HEPH: variants seen among roughly 807,000 people sequenced by gnomAD.
The protein encoded by HEPH is hephaestin.
A neutral mutation model predicts 80.8 loss-of-function variants in HEPH; 69 were observed. That is an observed-to-expected ratio of 0.85 (90% CI 0.70 to 1.04). The LOEUF is 1.04. Ranked by LOEUF, HEPH falls within the 50% of genes least tolerant of loss-of-function variation. The probability of loss-of-function intolerance (pLI) is 0.00; values close to 1 mark genes in which losing one functional copy is unlikely to be tolerated. For synonymous variants in HEPH, 431 were observed against 322.8 expected, an observed-to-expected ratio of 1.34 and a Z score of -3.60; for missense variants, 1,115 against 891.3, an observed-to-expected ratio of 1.25 and a Z score of -3.20.
At position 66,255,087 on chromosome X, in the gene HEPH, C is replaced by G; in HGVS notation, c.2616C>G (p.Pro872=). 2 of 1,208,318 alleles carry G rather than the reference C, an allele frequency of 1.7e-6. No individual in the cohort carries two copies. Residue 872 remains proline, a synonymous_variant, in exon 16 of 21, where the codon CCC becomes CCG. Transcript: ENST00000343002. ...TCCCAGAGAGGTCTGGCCCTGGGCC[C>G]AATGACTCTGCTTGTGTTTCCTGGA... ...WNIPERSGPG[P]NDSACVSWIY... is the part of the protein sequence containing the mutation.
intron 13 of HEPH, among the ~76,000 whole-genome samples, chrX:66,206,503 C>T (rs1292274568): frequency 1.7e-4 from 18 of 104,297 alleles, no homozygotes; most frequent in South Asian, 1.4e-3. Context: ...GCTGGGATTA[C>T]GGGCACAAGC....
At chrX:66,227,476 G>A (rs1373784062) in intron 15 of HEPH, among the ~76,000 whole-genome samples, 2 of 111,591 alleles carry the variant, frequency 1.8e-5, no homozygotes, top group Non-Finnish European at 3.8e-5. Context: ...TAAAGAGGAA[G>A]TCAAACTGTC....
At chrX:66,206,834 G>A (rs1168070265) in intron 13 of HEPH, among the ~76,000 whole-genome samples, 6 of 109,248 alleles carry the variant, frequency 5.5e-5, no homozygotes, top group Non-Finnish European at 9.5e-5. Flanking sequence ...TGACCAACAT[G>A]GAGAAACCCT....
At chrX:66,192,457 C>A (rs2087852898) in intron 7 of HEPH, among the ~76,000 whole-genome samples, 159 bp downstream of exon 7, 1 of 111,773 alleles carries the variant, frequency 8.9e-6, no homozygotes, top group Admixed American at 9.4e-5. Context: ...TTGTGTCCCC[C>A]TGGAGAGCTT....
chrX:66,199,390 G>T (rs1043152118), intron 11 of HEPH, among the ~76,000 whole-genome samples: 1 of 109,784 alleles, frequency 9.1e-6, no homozygotes, highest in Non-Finnish European at 1.9e-5. Flanking sequence ...GCCAACTGGG[G>T]CTATTTTTCT....
At chrX:66,193,439 G>T in intron 7 of HEPH, 63 bp from the exon 8 acceptor site, 3 of 785,265 alleles carry the variant, frequency 3.8e-6, no homozygotes, top group Non-Finnish European at 5.5e-6. Flanking sequence ...GAGACTAAGG[G>T]TGAGATGGGA....
intron 15 of HEPH, among the ~76,000 whole-genome samples, chrX:66,250,313 A>G (rs1354932806): frequency 9.0e-6 from 1 of 111,626 alleles, no homozygotes; most frequent in African/African-American, 3.3e-5. Context: ...AGCTCTCCTC[A>G]TTCCTTGAGA....
At chrX:66,227,335 T>C (rs1602421478) in intron 15 of HEPH, among the ~76,000 whole-genome samples, 1 of 110,972 alleles carries the variant, frequency 9.0e-6, no homozygotes, top group Non-Finnish European at 1.9e-5. Context: ...CAACATTATA[T>C]TGAATGGGGA....
In HEPH at chrX:66,266,721, C is replaced by A; in HGVS notation, c.*49C>A. 4 of 918,952 alleles carry A rather than the reference C, an allele frequency of 4.4e-6. No homozygotes were observed. The highest frequency in any genetic ancestry group is 6.2e-6 in the Non-Finnish European group (4 of 643,438). The allele number at this position is 918,952 out of a possible 1,213,427, so 75.7% of individuals were successfully genotyped here. A position where few individuals can be genotyped will look rare whatever the true frequency, so the allele number is the denominator to read the frequency against. On this transcript the variant is annotated 3_prime_UTR_variant, in exon 21 of 21. Coordinates refer to ENST00000343002, the MANE Select transcript of HEPH (RefSeq NM_001367233.3). ...CAGGAAGCACATCTGTAGTGCACTC[C>A]CAGCAGGCCATGGACTAGTCACTAA...
chrX:66,199,175 A>T, intron 11 of HEPH, 147 bp downstream of exon 11: 1 of 533,981 alleles, frequency 1.9e-6, no homozygotes, highest in Non-Finnish European at 3.1e-6. Flanking sequence ...TCAACCGAAC[A>T]CAACAGATCT....
At chrX:66,186,699 T>C (rs973680088) in intron 4 of HEPH, among the ~76,000 whole-genome samples, 1 of 111,823 alleles carries the variant, frequency 8.9e-6, no homozygotes, top group African/African-American at 3.3e-5. Context: ...ACCGGAGCTG[T>C]TCCTATTCGG....
chrX:66,260,360 A>T, intron 19 of HEPH, 98 bp downstream of exon 19: 2 of 669,333 alleles, frequency 3.0e-6, no homozygotes, highest in South Asian at 5.5e-5. Flanking sequence ...TCTCCTTCTG[A>T]TCCCACAATA....
Position 66,266,725 on chromosome X carries a change from C to A in HEPH, c.*53C>A. On this transcript the variant is annotated 3_prime_UTR_variant, in exon 21 of 21. Coordinates refer to ENST00000343002, the MANE Select transcript of HEPH (RefSeq NM_001367233.3). ...AAGCACATCTGTAGTGCACTCCCAGCAGGCCATGGACTAGTCACTAACCCC... is the reference window on the plus strand; with the variant it reads ...AAGCACATCTGTAGTGCACTCCCAGAAGGCCATGGACTAGTCACTAACCCC... 3 of 890,164 alleles carry A rather than the reference C, an allele frequency of 3.4e-6. No individual in the cohort carries two copies. The highest frequency in any genetic ancestry group is 1.9e-5 in the African/African-American group (1 of 51,430). 73.4% of individuals were successfully genotyped at this position (890,164 alleles called of 1,213,427 possible). A position where few individuals can be genotyped will look rare whatever the true frequency, so the allele number is the denominator to read the frequency against.
At chrX:66,180,077 A>T (rs2087024796) in intron 4 of HEPH, among the ~76,000 whole-genome samples, 2 of 110,904 alleles carry the variant, frequency 1.8e-5, no homozygotes, top group Non-Finnish European at 3.8e-5. Context: ...ATTTACATTC[A>T]ATGTTAGTAT....
intron 15 of HEPH, among the ~76,000 whole-genome samples, chrX:66,229,463 G>A (rs1333100893): frequency 9.0e-6 from 1 of 111,288 alleles, no homozygotes; most frequent in Admixed American, 9.6e-5. Context: ...AAGGGTGGGA[G>A]GGAGGTGAGG....
intron 4 of HEPH, among the ~76,000 whole-genome samples, chrX:66,182,226 A>G (rs1464648239): frequency 3.7e-5 from 2 of 54,534 alleles, no homozygotes; most frequent in African/African-American, 7.3e-5. Flanking sequence ...GTTTTTTCCA[A>G]TTCTGTGAAG....
intron 4 of HEPH, among the ~76,000 whole-genome samples, chrX:66,174,153 C>A (rs2147526812): frequency 9.1e-6 from 1 of 110,023 alleles, no homozygotes; most frequent in Admixed American, 9.8e-5. Context: ...TCTTTTATCC[C>A]TCGTGCCCCC....
intron 15 of HEPH, among the ~76,000 whole-genome samples, chrX:66,239,532 G>A (rs776099379): frequency 1.8e-5 from 2 of 111,486 alleles, no homozygotes; most frequent in Non-Finnish European, 3.8e-5. Context: ...TCCTCTATGT[G>A]ATAATTACTT....
At chrX:66,230,390 C>G (rs2090077372) in intron 15 of HEPH, among the ~76,000 whole-genome samples, 2 of 104,606 alleles carry the variant, frequency 1.9e-5, no homozygotes, top group Non-Finnish European at 3.9e-5. Flanking sequence ...ACAGTCCCAC[C>G]AACAGTGTAA....
Sources: gnomAD v4.1 joint callset for allele counts (sites outside exome capture counted in the v4.1 genomes callset) on GRCh38, gnomAD v4.1.1 for gene constraint, MANE v1.5 for transcripts, NCBI Gene and HGNC (gene_info 2026-07-23, HGNC 2026-07-21) for gene names.